Variants in TCEA2 observed in about 807,000 individuals in gnomAD.
The protein encoded by TCEA2 is transcription elongation factor A2, also known as transcription elongation factor A protein 2.
In TCEA2, 21 loss-of-function variants were observed where a neutral mutation model predicts 40.8. The observed-to-expected ratio is 0.51, with a 90% CI of 0.36 to 0.74. The LOEUF is 0.74. Ranked by LOEUF, TCEA2 falls within the 30% of genes least tolerant of loss-of-function variation. The pLI is 0.00. For missense variants in TCEA2, 326 were observed against 426.5 expected, an observed-to-expected ratio of 0.76 and a Z score of 2.08; for synonymous variants, 165 against 162.7, an observed-to-expected ratio of 1.01 and a Z score of -0.11.
At chr20:64,062,790 G>A (rs1336353845), upstream of TCEA2, 5 of 152,248 alleles carry the variant, frequency 3.3e-5, no homozygotes, top group Admixed American at 3.3e-4. Context: ...CGGCCTTCTA[G>A]GCCAAGTGGG....
In TCEA2 at chr20:64,071,827, G is replaced by A. The variant is rs546113949; in HGVS notation, c.820-43G>A. The A allele has an allele frequency of 3.1e-4, 497 of 1,608,040 alleles. 5 individuals carry two copies. The South Asian group carries it at 4.8e-3, about 16-fold the overall frequency. On this transcript the variant is annotated intron_variant, in intron 8 of 9. Transcript: ENST00000343484. ...ATGTTGAGGGGATGCCGTCTGCAGC[G>A]GAGCATGGAGGTGACCCTGGGTTCA... is the stretch of plus-strand genomic sequence containing the variant.
chr20:64,071,921 G>A lies in TCEA2; in HGVS notation c.871G>A (p.Glu291Lys), dbSNP rs1281637312. ...EPMTTFVVCNECGNRWKFC is the reference protein window; with the variant it reads ...EPMTTFVVCNKCGNRWKFC ...CATGACCACCTTTGTTGTCTGCAAC[G>A]AGTGTGGAAACCGCTGGAAGGTGGG... The change falls in exon 9 of 10, where the codon GAG (glutamate) becomes AAG (lysine). Residue 291 changes from glutamate to lysine, a missense_variant. Transcript: ENST00000343484. 6 of 1,614,050 alleles carry A rather than the reference G, an allele frequency of 3.7e-6. No homozygotes were observed. Among genetic ancestry groups the A allele is most frequent in the African/African-American group, 1.3e-5 (1 of 74,962 alleles).
intron 1 of TCEA2, chr20:64,057,657 T>C (rs1412837424): frequency 6.6e-6 from 1 of 152,224 alleles, no homozygotes; most frequent in Admixed American, 6.5e-5. Context: ...CGGAGGTCGG[T>C]AAGCTCCAGG....
intron 5 of TCEA2, 97 bp from the exon 6 acceptor site, chr20:64,069,668 C>T (rs568882644): frequency 1.8e-4 from 281 of 1,544,040 alleles, no homozygotes; most frequent in Admixed American, 6.6e-4. Flanking sequence ...TGCAGGGACC[C>T]GGATGTGCCC....
chr20:64,068,879 G>A (rs532188583), intron 4 of TCEA2, among the ~76,000 whole-genome samples: 6 of 152,356 alleles, frequency 3.9e-5, no homozygotes, highest in Non-Finnish European at 7.4e-5. Context: ...CAGGGGTGTC[G>A]TCTGTGACAG....
chr20:64,068,835 CT>C (rs2059757113), intron 4 of TCEA2, among the ~76,000 whole-genome samples: 1 of 152,250 alleles, frequency 6.6e-6, no homozygotes, highest in Non-Finnish European at 1.5e-5. Flanking sequence ...GGGTCCAGCC[CT>C]GAGGGGCATC....
At chr20:64,063,057 C>G (rs1443542290), upstream of TCEA2, 7 of 253,666 alleles carry the variant, frequency 2.8e-5, no homozygotes, top group East Asian at 4.1e-4. Context: ...TCCCAGGAGG[C>G]TGTGCGCGCC....
chr20:64,058,203 T>A (rs1448967992), upstream of TCEA2, among the ~76,000 whole-genome samples: 2 of 152,046 alleles, frequency 1.3e-5, no homozygotes, highest in African/African-American at 4.8e-5. This position sits in a 1 kb window ranked among gnomAD's most constrained non-coding sequence, Gnocchi z 6.7. Context: ...TCCCGTCCGC[T>A]CCTTTCTCTC....
rs893004092 is a variant in TCEA2 at position 64,063,263 on chromosome 20, C to A, written c.-50C>A. 4.7e-6 allele frequency: 7 copies of A among 1,495,862 alleles called. No homozygotes were observed. Among genetic ancestry groups the A allele is most frequent in the Non-Finnish European group, 6.2e-6 (7 of 1,123,868 alleles). 92.7% of individuals were successfully genotyped at this position (1,495,862 alleles called of 1,614,324 possible). ...CGACGGCCGGGGCCGGGGTCCTGCC[C>A]GGCTGCGGAGGCGGGCGCGACGGGC... On this transcript the variant is annotated 5_prime_UTR_variant, in exon 1 of 10. Coordinates refer to ENST00000343484, the MANE Select transcript of TCEA2 (RefSeq NM_003195.6).
chr20:64,066,523 G>T lies in TCEA2; in HGVS notation c.120G>T (p.Thr40=). 2 of 1,613,768 alleles carry T rather than the reference G, an allele frequency of 1.2e-6. No homozygotes were observed. The highest frequency in any genetic ancestry group is 3.3e-5 in the Admixed American group (2 of 60,010). Reference sequence around the variant, plus strand: ...GGGAGCTGAAGGCCATGCCTATCACGCTGCACCTGCTCCAGGTAGGTCCCT... The same window carrying T: ...GGGAGCTGAAGGCCATGCCTATCACTCTGCACCTGCTCCAGGTAGGTCCCT... ...LLRELKAMPI[T]LHLLQSTRVG... is the part of the protein sequence containing the mutation. The change falls in exon 2 of 10, where the codon ACG becomes ACT. Residue 40 remains threonine, a synonymous_variant. Transcript: ENST00000343484.
At position 64,071,935 on chromosome 20, in the gene TCEA2, C is replaced by A. The variant is rs560557990; in HGVS notation, c.885C>A (p.Arg295=). The A allele has an allele frequency of 6.2e-6, 10 of 1,614,168 alleles. No individual in the cohort carries two copies. In the South Asian group the frequency reaches 9.9e-5, roughly 16 times the overall value. ...TTGTCTGCAACGAGTGTGGAAACCG[C>A]TGGAAGGTGGGTGAGCAGGCTCAGG... ...TFVVCNECGN[R]WKFC The change falls in exon 9 of 10, where the codon CGC becomes CGA. Residue 295 remains arginine (R), a synonymous_variant. Coordinates refer to ENST00000343484, the MANE Select transcript of TCEA2 (RefSeq NM_003195.6).
At chr20:64,064,671 C>T (rs6062344) in intron 1 of TCEA2, among the ~76,000 whole-genome samples, 75,019 of 151,870 alleles carry the variant, frequency 0.49, 18,996 homozygotes, top group East Asian at 0.67. Flanking sequence ...GCTTTTTGGG[C>T]TGAGCAGGGT....
At chr20:64,066,203 G>A in intron 1 of TCEA2, 2 of 380,174 alleles carry the variant, frequency 5.3e-6, no homozygotes, top group Non-Finnish European at 9.8e-6. Flanking sequence ...AGTCAGTGAG[G>A]TCATTGCCAC....
At chr20:64,068,843 C>T (rs759786093) in intron 4 of TCEA2, among the ~76,000 whole-genome samples, 24 of 152,236 alleles carry the variant, frequency 1.6e-4, no homozygotes, top group Non-Finnish European at 2.9e-5. Context: ...CCCTGAGGGG[C>T]ATCCTTCTCC....
intron 4 of TCEA2, 22 bp downstream of exon 4, chr20:64,068,156 T>C: frequency 6.3e-7 from 1 of 1,588,216 alleles, no homozygotes; most frequent in Non-Finnish European, 8.6e-7. Flanking sequence ...GGAAGGCAGG[T>C]GCACACACTT....
intron 1 of TCEA2, 34 bp downstream of exon 1, chr20:64,063,418 C>T (rs1239056724): frequency 6.5e-7 from 1 of 1,538,586 alleles, no homozygotes; most frequent in South Asian, 1.2e-5. Context: ...CCCCGGGAAC[C>T]CCGCCCCGCC....
intron 6 of TCEA2, 55 bp from the exon 7 acceptor site, chr20:64,070,205 T>C (rs948066200): frequency 6.3e-7 from 1 of 1,596,786 alleles, no homozygotes; most frequent in Admixed American, 1.7e-5. Flanking sequence ...GCGGGGCAGG[T>C]GGTAGGTGGA....
chr20:64,060,586 T>C (rs1223559498), upstream of TCEA2, among the ~76,000 whole-genome samples: 3 of 152,190 alleles, frequency 2.0e-5, no homozygotes, highest in Non-Finnish European at 1.5e-5. Flanking sequence ...AGTCTTCATA[T>C]ATGCCCAAAC....
intron 1 of TCEA2, among the ~76,000 whole-genome samples, chr20:64,064,575 G>T (rs1309949273): frequency 6.6e-6 from 1 of 152,180 alleles, no homozygotes; most frequent in African/African-American, 2.4e-5. Context: ...GCCAGCCCAG[G>T]GCGGTGAAGG....
Sources: allele counts gnomAD v4.1 joint callset (sites outside exome capture counted in the v4.1 genomes callset), GRCh38; gene constraint gnomAD v4.1.1; non-coding constraint Gnocchi (gnomAD v3.1); transcripts MANE v1.5; gene names NCBI Gene and HGNC (gene_info 2026-07-23, HGNC 2026-07-21).